The following STARD4 variants were observed in gnomAD, a reference collection of about 807,000 sequenced individuals.
The protein encoded by STARD4 is StAR related lipid transfer domain containing 4, also known as stAR-related lipid transfer protein 4.
Under a neutral mutation model 24.9 loss-of-function variants are expected in STARD4, and 33 were observed. The ratio of observed to expected loss-of-function variants is 1.32; its 90% CI spans 1.00 to 1.77. The LOEUF (loss-of-function observed/expected upper bound fraction) is 1.77. Among genes scored for constraint, STARD4 ranks in the 40% most tolerant of loss-of-function variants. The pLI, the probability that STARD4 is intolerant of heterozygous loss-of-function variation, is 0.00. For missense variants in STARD4, 238 were observed against 249.3 expected (o/e 0.95, Z 0.31); for synonymous variants, 88 against 77.4 (o/e 1.14, Z -0.72).
rs1285405054 is a variant in STARD4 at position 111,497,615 on chromosome 5, ATTAAC to A, written c.*2266_*2270del. ...GTATTGAGTTAAATAAAATATTAAA[ATTAAC>A]TTCAGCTGTTTATTTTTATTTTTTA... On this transcript the variant is annotated 3_prime_UTR_variant, in exon 6 of 6. Transcript: ENST00000296632. 2 of 152,082 alleles carry A rather than the reference ATTAAC, an allele frequency of 1.3e-5. No homozygotes were observed. Among genetic ancestry groups the A allele is most frequent in the African/African-American group, 2.4e-5 (1 of 41,448 alleles). The allele number at this position is 152,082 out of a possible 1,614,324, so 9.4% of individuals were successfully genotyped here.
intron 2 of STARD4, among the ~76,000 whole-genome samples, chr5:111,506,894 TC>T (rs994765220): frequency 1.3e-5 from 2 of 152,202 alleles, no homozygotes; most frequent in African/African-American, 4.8e-5. Flanking sequence ...TAGAATTAGT[TC>T]TAGCAACACT....
chr5:111,501,869 G>A lies in STARD4; in HGVS notation c.282+93C>T, dbSNP rs528021833. The A allele has an allele frequency of 2.3e-5, 34 of 1,506,578 alleles. No individual in the cohort carries two copies. The African/African-American group carries it at 4.0e-4, about 18-fold the overall frequency. 93.3% of individuals were successfully genotyped at this position (1,506,578 alleles called of 1,614,324 possible). On this transcript the variant is annotated intron_variant, in intron 4 of 5. Transcript: ENST00000296632. ...TATTCTCAAAGCAATGAATATAAGT[G>A]TGTACAAATGCTCATGCTCACATGC...
At chr5:111,503,982 A>G (rs565765664) in intron 3 of STARD4, among the ~76,000 whole-genome samples, 1 of 152,368 alleles carries the variant, frequency 6.6e-6, no homozygotes, top group Non-Finnish European at 1.5e-5. Context: ...GTCAAGAAAT[A>G]TACAAAAGAT....
Position 111,497,252 on chromosome 5 carries a change from A to G in STARD4, c.*2634T>C, listed in dbSNP as rs2112531592. 1 of 152,152 alleles carries G rather than the reference A, an allele frequency of 6.6e-6. No homozygotes were observed. The highest frequency in any genetic ancestry group is 2.4e-5 in the African/African-American group (1 of 41,554). 9.4% of individuals were successfully genotyped at this position (152,152 alleles called of 1,614,324 possible). A position where few individuals can be genotyped will look rare whatever the true frequency, so the allele number is the denominator to read the frequency against. On this transcript the variant is annotated 3_prime_UTR_variant, in exon 6 of 6. Transcript: ENST00000296632. ...TGAAGGAAAATATTTGCTGGCAATA[A>G]TTTTATCTCATTGACAACTGATTTA...
At chr5:111,502,218 C>T in intron 3 of STARD4, 130 bp from the exon 4 acceptor site, 1 of 1,077,970 alleles carries the variant, frequency 9.3e-7, no homozygotes. Flanking sequence ...TCTGTAATCC[C>T]AGCATTCTGG....
chr5:111,500,314 T>G, intron 5 of STARD4: 5 of 1,305,618 alleles, frequency 3.8e-6, no homozygotes, highest in Non-Finnish European at 4.9e-6. Flanking sequence ...TGGGGAAACT[T>G]TTAATCCTTT....
intron 1 of STARD4, among the ~76,000 whole-genome samples, chr5:111,510,170 G>A (rs189711867): frequency 5.8e-4 from 89 of 152,282 alleles, no homozygotes; most frequent in Non-Finnish European, 1.1e-3. Flanking sequence ...TTTTCATCAA[G>A]ATTAAGTCCA....
intron 1 of STARD4, among the ~76,000 whole-genome samples, chr5:111,508,484 G>A (rs970772685): frequency 5.9e-5 from 9 of 152,058 alleles, no homozygotes; most frequent in African/African-American, 2.2e-4. Context: ...CCCATCTTCA[G>A]TAAAAGGCTA....
At chr5:111,505,208 A>G (rs936169930) in intron 3 of STARD4, among the ~76,000 whole-genome samples, 6 of 152,240 alleles carry the variant, frequency 3.9e-5, no homozygotes, top group African/African-American at 1.4e-4. Context: ...ATCTCCAAGC[A>G]TAAAGCTCCC....
intron 1 of STARD4, 195 bp downstream of exon 1, chr5:111,512,190 A>T (rs942295378): frequency 1.3e-5 from 2 of 152,370 alleles, no homozygotes; most frequent in African/African-American, 4.8e-5. Context: ...CCAGGGGCTC[A>T]GGTTTCTCTT....
At chr5:111,504,937 TG>T in intron 3 of STARD4, 2 of 436,204 alleles carry the variant, frequency 4.6e-6, no homozygotes, top group South Asian at 3.3e-5. Flanking sequence ...ATCTTTCACA[TG>T]CATTTGCCCT....
At chr5:111,501,920 T>A (rs1756480547) in intron 4 of STARD4, 42 bp downstream of exon 4, 1 of 1,610,986 alleles carries the variant, frequency 6.2e-7, no homozygotes, top group East Asian at 2.2e-5. Context: ...CCCTCCCTCA[T>A]GCACATACAC....
chr5:111,510,995 G>A (rs1255442947), intron 1 of STARD4, among the ~76,000 whole-genome samples: 1 of 152,128 alleles, frequency 6.6e-6, no homozygotes, highest in African/African-American at 2.4e-5. Flanking sequence ...TTTCACTTCC[G>A]TCAACAGCTT....
rs1756411754 is a variant in STARD4 at position 111,501,080 on chromosome 5, G to C, written c.319C>G (p.Leu107Val). The C allele has an allele frequency of 6.2e-7, 1 of 1,611,292 alleles. No individual in the cohort carries two copies. The highest frequency in any genetic ancestry group is 1.3e-5 in the African/African-American group (1 of 74,640). ...CVMRYTTAGQ[L>V]WNIISPREFV... ...TCTCTTGGGGAAATTATATTCCAAA[G>C]CTGACCAGCAGTAGTGTAACGCATC... Residue 107 changes from leucine to valine, a missense_variant, in exon 5 of 6, where the codon CTT becomes GTT. By Grantham distance (32) the Leu-to-Val change is conservative. Transcript: ENST00000296632.
intron 1 of STARD4, among the ~76,000 whole-genome samples, chr5:111,509,459 A>T (rs1012494297): frequency 6.6e-6 from 1 of 152,138 alleles, no homozygotes; most frequent in African/African-American, 2.4e-5. Context: ...ACTGATCAGT[A>T]TAAAGTTCAA....
chr5:111,499,890 A>G lies in STARD4; in HGVS notation c.614T>C (p.Leu205Ser). Reference protein sequence around the residue: ...TNFYGDLRKAL With the variant: ...TNFYGDLRKAS The stretch of plus-strand genomic sequence containing the variant: ...AGTTTGAATGTATTTTGCCTCTCAT[A>G]AAGCTTTTCGTAAATCACCATAGAA... Residue 205 changes from leucine (L) to serine (S), a missense_variant, in exon 6 of 6, where the codon TTA (leucine) becomes TCA (serine). Coordinates refer to ENST00000296632, the MANE Select transcript of STARD4 (RefSeq NM_139164.3). The G allele has an allele frequency of 6.2e-7, 1 of 1,614,002 alleles. No homozygotes were observed. Among genetic ancestry groups the G allele is most frequent in the Non-Finnish European group, 8.5e-7 (1 of 1,179,904 alleles).
rs1161239215 is a variant in STARD4 at position 111,497,289 on chromosome 5, T to G, written c.*2597A>C. On this transcript the variant is annotated 3_prime_UTR_variant, in exon 6 of 6. Coordinates refer to ENST00000296632, the MANE Select transcript of STARD4 (RefSeq NM_139164.3). Reference sequence around the variant, plus strand: ...TGACAACTGATTTATATCTAAAGTTTAGATGTCCTATTTATCAAGCAATGA... The same window carrying G: ...TGACAACTGATTTATATCTAAAGTTGAGATGTCCTATTTATCAAGCAATGA... The G allele has an allele frequency of 1.3e-5, 2 of 152,172 alleles. No individual in the cohort carries two copies. Among genetic ancestry groups the G allele is most frequent in the East Asian group, 3.9e-4 (2 of 5,184 alleles). The allele number at this position is 152,172 out of a possible 1,614,324, so 9.4% of individuals were successfully genotyped here.
chr5:111,500,625 A>C, intron 5 of STARD4: 2 of 1,154,192 alleles, frequency 1.7e-6, no homozygotes, highest in Non-Finnish European at 2.1e-6. Flanking sequence ...AATACAACAC[A>C]GCTCAAGGAA....
chr5:111,498,201 A>G lies in STARD4; in HGVS notation c.*1685T>C, dbSNP rs1406467792. 6.6e-6 allele frequency: 1 copy of G among 152,072 alleles called. No individual in the cohort carries two copies. The highest frequency in any genetic ancestry group is 2.4e-5 in the African/African-American group (1 of 41,436). 9.4% of individuals were successfully genotyped at this position (152,072 alleles called of 1,614,324 possible). On this transcript the variant is annotated 3_prime_UTR_variant, in exon 6 of 6. Coordinates refer to ENST00000296632, the MANE Select transcript of STARD4 (RefSeq NM_139164.3). ...TTCAAACATAATTTTTAAATTCATCATTCTCACAGTGAAAATGTTTCCATG... is the reference window on the plus strand; with the variant it reads ...TTCAAACATAATTTTTAAATTCATCGTTCTCACAGTGAAAATGTTTCCATG...
Sources: allele counts gnomAD v4.1 joint callset (sites outside exome capture counted in the v4.1 genomes callset), GRCh38; gene constraint gnomAD v4.1.1; transcripts MANE v1.5; gene names NCBI Gene and HGNC (gene_info 2026-07-23, HGNC 2026-07-21).